Variants in SYNE1 observed in about 807,000 individuals in gnomAD.
SYNE1 encodes the protein spectrin repeat containing nuclear envelope protein 1.
SYNE1 carries 616 observed loss-of-function variants against 1,111.0 expected under a neutral mutation model. That is an observed-to-expected ratio of 0.55 (90% CI 0.52 to 0.59). The LOEUF (loss-of-function observed/expected upper bound fraction) is 0.59. Ranked by LOEUF, SYNE1 falls within the 20% of genes least tolerant of loss-of-function variation. The pLI is 0.00. For synonymous variants in SYNE1, 3,855 were observed against 3,825.8 expected, an observed-to-expected ratio of 1.01 and a Z score of -0.28; for missense variants, 10,006 against 10,417.0, an observed-to-expected ratio of 0.96 and a Z score of 1.72.
intron 115 of SYNE1, 23 bp downstream of exon 115, chr6:152,230,524 T>A: frequency 6.2e-7 from 1 of 1,613,052 alleles, no homozygotes; most frequent in Non-Finnish European, 8.5e-7. Context: ...AGATGGTGCA[T>A]GTTAGCCACC....
At position 152,373,077 on chromosome 6, in the gene SYNE1, T is replaced by G. The variant is rs757825206; in HGVS notation, c.9467A>C (p.Asn3156Thr). The change falls in exon 59 of 146, where the codon AAT becomes ACT. Residue 3156 changes from asparagine to threonine, a missense_variant. This residue lies in a region of SYNE1 where 4,955 missense variants were observed against 5,017.2 expected (regional missense o/e 0.99). Coordinates refer to ENST00000367255, the MANE Select transcript of SYNE1 (RefSeq NM_182961.4). ...TTTTTGGTGGAGATTTGAATGAAAA[T>G]TTTTCCAATCTTCTTTTGCAGCTGT... is the stretch of plus-strand genomic sequence containing the variant. ...KVTAAKEDWK[N>T]FHSNLHQKES... The G allele has an allele frequency of 1.2e-6, 2 of 1,614,080 alleles. No individual in the cohort carries two copies. The highest frequency in any genetic ancestry group is 1.1e-5 in the South Asian group (1 of 91,070).
In SYNE1 at chr6:152,140,192, A is replaced by C. The variant is rs1358477099; in HGVS notation, c.25247-31T>G. ...AAGACATGCATAGAACAGTGAGGTT[A>C]TTTTCCTCTACATGTGATGTTTATG... On this transcript the variant is annotated intron_variant, in intron 139 of 145. Transcript: ENST00000367255. 2.5e-6 allele frequency: 4 copies of C among 1,607,204 alleles called. No homozygotes were observed. The South Asian group carries it at 4.4e-5, about 18-fold the overall frequency.
chr6:152,581,183 G>A (rs1020656523), intron 3 of SYNE1, among the ~76,000 whole-genome samples: 15 of 152,140 alleles, frequency 9.9e-5, no homozygotes, highest in Admixed American at 2.0e-4. Context: ...CTGAATTCCC[G>A]GTGAAGTGCA....
chr6:152,508,632 G>T (rs370190908), intron 8 of SYNE1, among the ~76,000 whole-genome samples: 7 of 152,162 alleles, frequency 4.6e-5, no homozygotes, highest in Non-Finnish European at 8.8e-5. Flanking sequence ...CAATAGCATC[G>T]TGACACATCA....
rs749866224 is a variant in SYNE1 at position 152,294,121 on chromosome 6, C to T, written c.17689G>A (p.Ala5897Thr). 17 of 1,613,504 alleles carry T rather than the reference C, an allele frequency of 1.1e-5. No individual in the cohort carries two copies. The highest frequency in any genetic ancestry group is 1.4e-5 in the Non-Finnish European group (17 of 1,179,988). The stretch of plus-strand genomic sequence containing the variant: ...TCAGCAGACAAGGCTTGGTAATATG[C>T]AATGTCCTGTGAGTGCAAAGCACAG... Reference protein sequence around the residue: ...NTDASVNQDIAYYQALSAERL... With the variant: ...NTDASVNQDITYYQALSAERL... Residue 5897 changes from alanine (A) to threonine (T), a missense_variant, in exon 94 of 146, where the codon GCA becomes ACA. Transcript: ENST00000367255.
At chr6:152,617,615 T>G (rs1030833917) in intron 3 of SYNE1, among the ~76,000 whole-genome samples, 2 of 152,240 alleles carry the variant, frequency 1.3e-5, no homozygotes, top group Admixed American at 6.5e-5. Flanking sequence ...TGCTTAGTAC[T>G]GGATATCCGA....
chr6:152,530,500 C>T (rs1455086243), intron 4 of SYNE1, among the ~76,000 whole-genome samples: 2 of 150,588 alleles, frequency 1.3e-5, no homozygotes, highest in African/African-American at 2.5e-5. Flanking sequence ...TAAAACAGTC[C>T]CCCTTTATGT....
At chr6:152,252,797 C>G (rs761349507) in intron 104 of SYNE1, among the ~76,000 whole-genome samples, 3 of 152,130 alleles carry the variant, frequency 2.0e-5, no homozygotes, top group Non-Finnish European at 4.4e-5. Flanking sequence ...CAAATAGAAA[C>G]TTGTTGGCAG....
At chr6:152,271,027 C>T (rs1392356144) in intron 98 of SYNE1, among the ~76,000 whole-genome samples, 2 of 152,164 alleles carry the variant, frequency 1.3e-5, no homozygotes, top group African/African-American at 2.4e-5. Context: ...GTTGCTTCCA[C>T]GGAGGAGCCT....
chr6:152,559,481 A>T (rs1486392673), intron 3 of SYNE1, among the ~76,000 whole-genome samples: 1 of 152,188 alleles, frequency 6.6e-6, no homozygotes, highest in Non-Finnish European at 1.5e-5. Flanking sequence ...GATCAGTAAT[A>T]TGAAGAAAAT....
intron 93 of SYNE1, 36 bp from the exon 94 acceptor site, chr6:152,294,163 A>G (rs750667578): frequency 6.2e-7 from 1 of 1,609,346 alleles, no homozygotes; most frequent in South Asian, 1.1e-5. Flanking sequence ...ATTAAACAAA[A>G]AGACAAAGTC....
At chr6:152,253,829 T>TGTTTG (rs1562527663) in intron 104 of SYNE1, among the ~76,000 whole-genome samples, 3 of 59,668 alleles carry the variant, frequency 5.0e-5, no homozygotes, top group African/African-American at 3.8e-4. Flanking sequence ...TTTTTTTTTT[T>TGTTTG]TTTTTTTTTT....
chr6:152,203,063 T>C (rs1587721817), intron 126 of SYNE1, among the ~76,000 whole-genome samples: 1 of 152,300 alleles, frequency 6.6e-6, no homozygotes, highest in African/African-American at 2.4e-5. Context: ...CTCTATGTAC[T>C]GACAAAATAA....
intron 28 of SYNE1, among the ~76,000 whole-genome samples, chr6:152,447,840 T>A (rs2098605657): frequency 1.3e-5 from 2 of 152,236 alleles, no homozygotes; most frequent in Non-Finnish European, 2.9e-5. Flanking sequence ...TGAATCAGCT[T>A]CATAATTAGA....
chr6:152,458,752 C>T lies in SYNE1; in HGVS notation c.2568+5G>A. ...TAATTGTCTCCTGAAAAGGATTGTT[C>T]TCACCTGATGTTTTTGTTTAAAAAG... On this transcript the variant is annotated splice_donor_5th_base_variant and intron_variant, in intron 22 of 145. Transcript: ENST00000367255. 6.2e-7 allele frequency: 1 copy of T among 1,613,852 alleles called. No homozygotes were observed. Among genetic ancestry groups the T allele is most frequent in the Non-Finnish European group, 8.5e-7 (1 of 1,179,816 alleles).
chr6:152,460,393 CTT>C (rs938124013), intron 21 of SYNE1, among the ~76,000 whole-genome samples: 26 of 152,018 alleles, frequency 1.7e-4, no homozygotes, highest in Non-Finnish European at 3.7e-4. Flanking sequence ...AAAATTTTCT[CTT>C]TTTTATGGTC....
At chr6:152,301,085 A>G (rs2095143602) in intron 92 of SYNE1, among the ~76,000 whole-genome samples, 1 of 152,192 alleles carries the variant, frequency 6.6e-6, no homozygotes, top group African/African-American at 2.4e-5. Flanking sequence ...AAATAACTGG[A>G]AAAATCACGA....
At chr6:152,294,221 C>CAACCACCG in intron 93 of SYNE1, 94 bp from the exon 94 acceptor site, 1 of 1,121,546 alleles carries the variant, frequency 8.9e-7, no homozygotes, top group African/African-American at 2.2e-5. Flanking sequence ...GGAAAGGTTT[C>CAACCACCG]AGATCTACAC....
intron 130 of SYNE1, among the ~76,000 whole-genome samples, chr6:152,164,863 AC>A (rs1366586511): frequency 6.6e-6 from 1 of 152,218 alleles, no homozygotes; most frequent in African/African-American, 2.4e-5. Context: ...ACTGCTCATA[AC>A]AGAGGTAAAC....
Sources: gnomAD v4.1 joint callset for allele counts (sites outside exome capture counted in the v4.1 genomes callset) on GRCh38, gnomAD v4.1.1 for gene constraint, gnomAD v4.1.1 regional missense constraint, MANE v1.5 for transcripts, NCBI Gene and HGNC (gene_info 2026-07-23, HGNC 2026-07-21) for gene names.